The following PIGG variants were observed in gnomAD, a reference collection of about 807,000 sequenced individuals.
PIGG encodes phosphatidylinositol glycan anchor biosynthesis class G (EMM blood group), also known as GPI ethanolamine phosphate transferase 2, catalytic subunit.
Under a neutral mutation model 83.2 loss-of-function variants are expected in PIGG, and 70 were observed. That is an observed-to-expected ratio of 0.84 (90% CI 0.69 to 1.03). PIGG has a LOEUF of 1.03. Ranked by LOEUF, PIGG falls within the 50% of genes least tolerant of loss-of-function variation. The pLI is 0.00. For missense variants in PIGG, 1,257 were observed against 1,233.6 expected (o/e 1.02, Z -0.28); for synonymous variants, 532 against 519.5 (o/e 1.02, Z -0.33).
At chr4:512,727 A>G (rs1289304584) in intron 5 of PIGG, among the ~76,000 whole-genome samples, 2 of 152,088 alleles carry the variant, frequency 1.3e-5, no homozygotes, top group African/African-American at 4.8e-5. Context: ...AGGCAGGAGA[A>G]TCACTTGAAC....
At chr4:514,435 G>C (rs1452578964) in intron 5 of PIGG, among the ~76,000 whole-genome samples, 1 of 152,118 alleles carries the variant, frequency 6.6e-6, no homozygotes, top group Non-Finnish European at 1.5e-5. Context: ...CTGTAAATCT[G>C]TAGGTCCCCA....
Position 515,855 on chromosome 4 carries a change from A to T in PIGG, c.902-118A>T. 1 of 767,408 alleles carries T rather than the reference A, an allele frequency of 1.3e-6. No homozygotes were observed. The highest frequency in any genetic ancestry group is 2.3e-6 in the Non-Finnish European group (1 of 439,888). 47.5% of individuals were successfully genotyped at this position (767,408 alleles called of 1,614,324 possible). A position where few individuals can be genotyped will look rare whatever the true frequency, so the allele number is the denominator to read the frequency against. On this transcript the variant is annotated intron_variant, in intron 5 of 12. Coordinates refer to ENST00000453061, the MANE Select transcript of PIGG (RefSeq NM_001127178.3). The surrounding 1 kb of genome is among the most constrained non-coding windows in gnomAD (Gnocchi z 4.2). The stretch of plus-strand genomic sequence containing the variant: ...GTGATTCCTGTACGATTCTGTGTTG[A>T]GTGGTGTGAAGAGACGGATCATTTG...
chr4:500,953 C>G (rs1553875500), intron 2 of PIGG: 1 of 381,830 alleles, frequency 2.6e-6, no homozygotes, highest in Non-Finnish European at 5.0e-6. Context: ...TAGAGTTAAT[C>G]TAGTTCAGTC....
At chr4:513,892 G>C (rs1723024656) in intron 5 of PIGG, among the ~76,000 whole-genome samples, 1 of 152,208 alleles carries the variant, frequency 6.6e-6, no homozygotes, top group African/African-American at 2.4e-5. Flanking sequence ...ATAGACCTCA[G>C]TGTATCTGGG....
intron 9 of PIGG, 47 bp from the exon 10 acceptor site, chr4:526,992 T>G: frequency 1.2e-6 from 2 of 1,604,688 alleles, no homozygotes; most frequent in Non-Finnish European, 1.7e-6. Context: ...AGATTGATCT[T>G]GTCGCTGTTT....
At chr4:535,454 G>A (rs997630841) in intron 12 of PIGG, among the ~76,000 whole-genome samples, 10 of 102,058 alleles carry the variant, frequency 9.8e-5, no homozygotes, top group Non-Finnish European at 1.5e-4. Context: ...CCGGGCAGGC[G>A]AGCGTCTGGG....
At chr4:505,686 A>T in intron 2 of PIGG, 32 bp from the exon 3 acceptor site, 1 of 1,528,944 alleles carries the variant, frequency 6.5e-7, no homozygotes, top group Non-Finnish European at 9.0e-7. Context: ...TTTTGGATTC[A>T]GTGGCCTAAT....
chr4:536,328 G>A (rs1177457152), intron 12 of PIGG: 2 of 152,324 alleles, frequency 1.3e-5, no homozygotes, highest in African/African-American at 2.4e-5. Context: ...GGACAGGAAT[G>A]CCTGAGATCC....
chr4:507,432 G>A lies in PIGG; in HGVS notation c.598G>A (p.Asp200Asn). The A allele has an allele frequency of 1.2e-6, 2 of 1,613,240 alleles. No individual in the cohort carries two copies. The highest frequency in any genetic ancestry group is 1.7e-6 in the Non-Finnish European group (2 of 1,179,374). Residue 200 changes from aspartate (D) to asparagine (N), a missense_variant, in exon 4 of 13, where the codon GAT becomes AAT. Transcript: ENST00000453061. ...GGATAATAATGTCACGAGGCATTTG[G>A]ATAAAGTATTAAAAAGAGGAGATTG... Reference protein sequence around the residue: ...EVDNNVTRHLDKVLKRGDWDI... With the variant: ...EVDNNVTRHLNKVLKRGDWDI...
Position 530,495 on chromosome 4 carries a change from C to T in PIGG, c.2321C>T (p.Thr774Ile), listed in dbSNP as rs747958182. 6.2e-7 allele frequency: 1 copy of T among 1,613,492 alleles called. No individual in the cohort carries two copies. The highest frequency in any genetic ancestry group is 1.1e-5 in the South Asian group (1 of 91,056). ...VFVLGILFTG[T>I]KDLLKSQVIA... ...GTCCTTGGCATTCTGTTCACGGGCA[C>T]CAAAGACTTACTTAAATCTCAAGTC... The change falls in exon 11 of 13, where the codon ACC becomes ATC. Residue 774 changes from threonine to isoleucine, a missense_variant. By Grantham distance (89) the Thr-to-Ile change is moderately conservative (BLOSUM62 -1). Transcript: ENST00000453061.
intron 5 of PIGG, among the ~76,000 whole-genome samples, chr4:512,651 C>A (rs961575235): frequency 6.6e-6 from 1 of 151,688 alleles, no homozygotes; most frequent in Non-Finnish European, 1.5e-5. Context: ...CCCGTCTCTA[C>A]TAAAAGTACA....
At chr4:513,709 T>C (rs988071958) in intron 5 of PIGG, among the ~76,000 whole-genome samples, 5 of 152,142 alleles carry the variant, frequency 3.3e-5, no homozygotes, top group Non-Finnish European at 7.3e-5. Flanking sequence ...TGCTGGGCTG[T>C]GGGAATGGTT....
At chr4:535,672 C>G (rs1438231842) in intron 12 of PIGG, among the ~76,000 whole-genome samples, 1 of 152,150 alleles carries the variant, frequency 6.6e-6, no homozygotes, top group Non-Finnish European at 1.5e-5. Flanking sequence ...GACTGCTGAG[C>G]CCCCGTGCCA....
intron 12 of PIGG, among the ~76,000 whole-genome samples, chr4:534,387 G>A (rs983678162): frequency 6.6e-6 from 1 of 152,212 alleles, no homozygotes; most frequent in Admixed American, 6.5e-5. Flanking sequence ...GACGGCTCTC[G>A]GCCCCCAGAG....
intron 8 of PIGG, 149 bp downstream of exon 8, chr4:522,090 A>G (rs1479261451): frequency 7.5e-6 from 6 of 796,862 alleles, no homozygotes; most frequent in African/African-American, 1.7e-5. Context: ...GGCCTCAGGG[A>G]AGGACGTGGA....
rs546657094 is a variant in PIGG at position 525,002 on chromosome 4, A to G, written c.2069+1089A>G. 1.4e-3 allele frequency: 227 copies of G among 157,156 alleles called. 2 individuals are homozygous for G. Among genetic ancestry groups the G allele is most frequent in the African/African-American group, 5.4e-3 (224 of 41,656 alleles). The allele number at this position is 157,156 out of a possible 1,614,324, so 9.7% of individuals were successfully genotyped here. A position where few individuals can be genotyped will look rare whatever the true frequency, so the allele number is the denominator to read the frequency against. On this transcript the variant is annotated intron_variant, in intron 9 of 12. Transcript: ENST00000453061. ...TGAGATTTGCAGTGGACAAACATCT[A>G]AGCCATGTCATTCCCCCAGACCCCT...
At chr4:509,012 T>C (rs781808673) in intron 5 of PIGG, 42 bp downstream of exon 5, 1 of 1,563,570 alleles carries the variant, frequency 6.4e-7, no homozygotes, top group South Asian at 1.1e-5. Flanking sequence ...TTGTATTACA[T>C]TTGTTTTCTA....
intron 5 of PIGG, among the ~76,000 whole-genome samples, chr4:512,204 T>C (rs1209881247): frequency 2.0e-5 from 3 of 151,360 alleles, no homozygotes; most frequent in Non-Finnish European, 4.4e-5. Context: ...ATTTTCTGTT[T>C]CAGTTATCAT....
intron 2 of PIGG, among the ~76,000 whole-genome samples, chr4:505,459 C>CAAAAA (rs35308755): frequency 2.2e-5 from 1 of 45,008 alleles, no homozygotes; most frequent in Non-Finnish European, 3.9e-5. Context: ...CTGTATCTAC[C>CAAAAA]AAAAAAAAAA....
Sources: allele counts gnomAD v4.1 joint callset (sites outside exome capture counted in the v4.1 genomes callset), GRCh38; gene constraint gnomAD v4.1.1; non-coding constraint Gnocchi (gnomAD v3.1); transcripts MANE v1.5; gene names NCBI Gene and HGNC (gene_info 2026-07-23, HGNC 2026-07-21).